The following CNTN5 variants were observed in gnomAD, a reference collection of about 807,000 sequenced individuals.
The protein encoded by CNTN5 is contactin 5.
A neutral mutation model predicts 129.1 loss-of-function variants in CNTN5; 77 were observed. The ratio of observed to expected loss-of-function variants is 0.60; its 90% CI spans 0.50 to 0.72. The LOEUF is 0.72. Among genes scored for constraint, CNTN5 ranks in the 30% least tolerant of loss-of-function variants. The pLI is 0.00. For synonymous variants in CNTN5, 509 were observed against 465.6 expected (o/e 1.09, Z -1.20); for missense variants, 1,478 against 1,328.8 (o/e 1.11, Z -1.75).
chr11:100,093,451 C>G (rs11222732), intron 13 of CNTN5, among the ~76,000 whole-genome samples: 9,435 of 151,502 alleles, frequency 0.062, 1,005 homozygotes, highest in African/African-American at 0.22. Flanking sequence ...TTTTTTTATA[C>G]AGATGAGGTC....
chr11:100,157,057 CTTCTCTTGT>C (rs1252342480), intron 13 of CNTN5, among the ~76,000 whole-genome samples: 5 of 151,940 alleles, frequency 3.3e-5, no homozygotes, highest in African/African-American at 1.2e-4. Context: ...TTTGCTCTTG[CTTCTCTTGT>C]TCTTTTAATT....
intron 2 of CNTN5, among the ~76,000 whole-genome samples, chr11:99,373,711 CA>C (rs57363059): frequency 0.1 from 9,803 of 95,906 alleles, 436 homozygotes; most frequent in African/African-American, 0.26. Flanking sequence ...AACTCCGTCT[CA>C]AAAAAAAAAA....
At chr11:99,414,379 A>T (rs1162014762) in intron 2 of CNTN5, among the ~76,000 whole-genome samples, 2 of 152,250 alleles carry the variant, frequency 1.3e-5, no homozygotes, top group Non-Finnish European at 2.9e-5. Flanking sequence ...ATATTTAATA[A>T]GTGCCTGCTG....
chr11:99,954,802 C>G (rs1347865883), intron 7 of CNTN5, among the ~76,000 whole-genome samples: 2 of 152,138 alleles, frequency 1.3e-5, no homozygotes, highest in Admixed American at 6.5e-5. Flanking sequence ...CTATTGCGTA[C>G]TATTTCTACT....
chr11:99,378,654 C>A (rs973142249), intron 2 of CNTN5, among the ~76,000 whole-genome samples: 3 of 152,020 alleles, frequency 2.0e-5, no homozygotes, highest in African/African-American at 7.2e-5. Flanking sequence ...TTATACTAAT[C>A]AGCACCTCTA....
At chr11:99,694,904 T>G (rs565932421) in intron 3 of CNTN5, among the ~76,000 whole-genome samples, 3 of 152,274 alleles carry the variant, frequency 2.0e-5, no homozygotes, top group African/African-American at 7.2e-5. Flanking sequence ...TTCCCCATTT[T>G]ACTGATAAAT....
intron 2 of CNTN5, among the ~76,000 whole-genome samples, chr11:99,506,824 T>A (rs1375016890): frequency 2.0e-5 from 3 of 152,096 alleles, no homozygotes; most frequent in Non-Finnish European, 4.4e-5. Flanking sequence ...TTTGTTATAG[T>A]AAAAAATATC....
At chr11:99,415,468 T>C (rs1942614477) in intron 2 of CNTN5, among the ~76,000 whole-genome samples, 1 of 152,194 alleles carries the variant, frequency 6.6e-6, no homozygotes, top group South Asian at 2.1e-4. Flanking sequence ...GTGGGTCTTA[T>C]AACCTATACC....
chr11:99,206,441 C>G (rs1296776591), intron 1 of CNTN5, among the ~76,000 whole-genome samples: 1 of 152,062 alleles, frequency 6.6e-6, no homozygotes, highest in Non-Finnish European at 1.5e-5. Context: ...TTTTGTGTGT[C>G]TTTTGTTTTT....
intron 13 of CNTN5, among the ~76,000 whole-genome samples, chr11:100,150,364 G>GTTATT (rs1947012889): frequency 6.6e-6 from 1 of 151,738 alleles, no homozygotes; most frequent in Non-Finnish European, 1.5e-5. Context: ...GCTTGCTTGT[G>GTTATT]TTATTTTAAA....
chr11:99,834,622 A>G (rs2135632580), intron 4 of CNTN5, among the ~76,000 whole-genome samples: 1 of 152,314 alleles, frequency 6.6e-6, no homozygotes, highest in Non-Finnish European at 1.5e-5. Context: ...TAGAATATTC[A>G]TTAATTTCAT....
chr11:99,987,770 T>G (rs1044419936), intron 8 of CNTN5, among the ~76,000 whole-genome samples: 1 of 152,140 alleles, frequency 6.6e-6, no homozygotes, highest in Non-Finnish European at 1.5e-5. Flanking sequence ...GGCTTCAGAC[T>G]TAATAAAGTC....
intron 13 of CNTN5, among the ~76,000 whole-genome samples, chr11:100,180,321 C>T (rs1948100317): frequency 6.6e-6 from 1 of 151,950 alleles, no homozygotes; most frequent in Non-Finnish European, 1.5e-5. Flanking sequence ...TAAATATGCT[C>T]AACTGATTTT....
intron 15 of CNTN5, among the ~76,000 whole-genome samples, chr11:100,197,029 C>A (rs1173064228): frequency 6.6e-6 from 1 of 151,944 alleles, no homozygotes; most frequent in Non-Finnish European, 1.5e-5. Flanking sequence ...GAACTATGTG[C>A]ATTCAGCTGT....
chr11:100,120,191 G>T (rs982736848), intron 13 of CNTN5, among the ~76,000 whole-genome samples: 1 of 151,794 alleles, frequency 6.6e-6, no homozygotes, highest in Admixed American at 6.6e-5. Flanking sequence ...ACTTAAGCAC[G>T]CATCTTTGTT....
At chr11:99,245,834 T>C (rs1055638444) in intron 1 of CNTN5, among the ~76,000 whole-genome samples, 2 of 152,192 alleles carry the variant, frequency 1.3e-5, no homozygotes, top group South Asian at 4.1e-4. Context: ...ACAATATGTT[T>C]AGCAATATTC....
At chr11:99,730,681 AATAC>A (rs58646755) in intron 3 of CNTN5, among the ~76,000 whole-genome samples, 5,815 of 152,286 alleles carry the variant, frequency 0.038, 213 homozygotes, top group East Asian at 0.2. Flanking sequence ...TTATTTTACT[AATAC>A]ATAACATTTC....
At position 100,338,919 on chromosome 11, in the gene CNTN5, G is replaced by C. The variant is rs571370279; in HGVS notation, c.2731-1544G>C. Reference sequence around the variant, plus strand: ...CAAGCTCTGTGTGGGGCCTGCACTGGTTCCCAGGTGAGAGTGTCTGTAACC... The same window carrying C: ...CAAGCTCTGTGTGGGGCCTGCACTGCTTCCCAGGTGAGAGTGTCTGTAACC... On this transcript the variant is annotated intron_variant, in intron 21 of 24. Coordinates refer to ENST00000524871, the MANE Select transcript of CNTN5 (RefSeq NM_014361.4). Among the ~76,000 whole-genome samples the C allele has an allele frequency of 3.2e-3, 491 of 152,084 alleles. 5 individuals carry two copies. Among genetic ancestry groups the C allele is most frequent in the Non-Finnish European group, 4.4e-3 (300 of 67,972 alleles).
At chr11:99,506,590 T>C (rs1946629444) in intron 2 of CNTN5, among the ~76,000 whole-genome samples, 1 of 88,842 alleles carries the variant, frequency 1.1e-5, no homozygotes, top group African/African-American at 4.2e-5. Context: ...TTATAGTGTT[T>C]GTATAGTAAA....
Sources: allele counts gnomAD v4.1 joint callset (sites outside exome capture counted in the v4.1 genomes callset), GRCh38; gene constraint gnomAD v4.1.1; transcripts MANE v1.5; gene names NCBI Gene and HGNC (gene_info 2026-07-23, HGNC 2026-07-21).